The following DIXDC1 variants were observed in gnomAD, a reference collection of about 807,000 sequenced individuals.
DIXDC1 encodes DIX domain containing 1.
In DIXDC1, 64 loss-of-function variants were observed where a neutral mutation model predicts 103.1. The observed-to-expected ratio is 0.62, with a 90% confidence interval of 0.51 to 0.76. The LOEUF is 0.76. Among genes scored for constraint, DIXDC1 ranks in the 30% least tolerant of loss-of-function variants. The pLI is 0.00. For synonymous variants in DIXDC1, 266 were observed against 298.5 expected, an observed-to-expected ratio of 0.89 and a Z score of 1.12; for missense variants, 759 against 834.2, an observed-to-expected ratio of 0.91 and a Z score of 1.11.
In DIXDC1 at chr11:111,989,481, G is replaced by A. The variant is rs370141994; in HGVS notation, c.1113+426G>A. On this transcript the variant is annotated intron_variant, in intron 10 of 19. Coordinates refer to ENST00000440460, the MANE Select transcript of DIXDC1 (RefSeq NM_001037954.4). ...CTACTAAAAATACAAAAAATTAGTC[G>A]GGCGTGGTGGCAGGCACCTGTAATC... 4.5e-4 allele frequency among the ~76,000 whole-genome samples: 68 copies of A among 151,640 alleles called. 1 individual carries two copies. The South Asian group carries it at 0.013, about 29-fold the overall frequency.
chr11:111,962,380 G>A (rs1345826180), intron 1 of DIXDC1, among the ~76,000 whole-genome samples: 2 of 152,108 alleles, frequency 1.3e-5, no homozygotes, highest in African/African-American at 4.8e-5. Flanking sequence ...TACTTGGGAG[G>A]CTGAGACGAG....
intron 1 of DIXDC1, among the ~76,000 whole-genome samples, chr11:111,944,950 G>A (rs868981555): frequency 1.3e-5 from 2 of 152,196 alleles, no homozygotes; most frequent in Non-Finnish European, 2.9e-5. Context: ...TGTTACACAC[G>A]TAGTATGTAC....
At chr11:111,959,243 G>A (rs587673469) in intron 1 of DIXDC1, among the ~76,000 whole-genome samples, 3 of 152,338 alleles carry the variant, frequency 2.0e-5, no homozygotes, top group Admixed American at 2.0e-4. Context: ...GAGAAGAGCT[G>A]CAGAGAGAAG....
intron 1 of DIXDC1, among the ~76,000 whole-genome samples, chr11:111,964,113 G>T (rs1287423841): frequency 6.6e-6 from 1 of 152,200 alleles, no homozygotes; most frequent in South Asian, 2.1e-4. Flanking sequence ...CAATTCGTAT[G>T]AGTATCAGAG....
In DIXDC1 at chr11:111,984,659, A is replaced by G. The variant is rs7948552; in HGVS notation, c.919-573A>G. On this transcript the variant is annotated intron_variant, in intron 7 of 19. Transcript: ENST00000440460. ...GTAAATCTGCCTCCCTATTCCACCT[A>G]CGTATATTCTAATGAAAACCACCTG... 4.8e-3 allele frequency among the ~76,000 whole-genome samples: 733 copies of G among 152,300 alleles called. 3 individuals carry two copies. The highest frequency in any genetic ancestry group is 7.1e-3 in the Non-Finnish European group (480 of 68,032).
intron 17 of DIXDC1, among the ~76,000 whole-genome samples, chr11:112,012,492 G>A (rs927102007): frequency 4.6e-5 from 7 of 152,166 alleles, no homozygotes; most frequent in African/African-American, 1.7e-4. Flanking sequence ...TGCTAGAAAA[G>A]TTAAAGATCT....
intron 5 of DIXDC1, 163 bp downstream of exon 5, chr11:111,975,146 G>T: frequency 7.0e-7 from 1 of 1,428,944 alleles, no homozygotes; most frequent in Non-Finnish European, 9.2e-7. Context: ...GTTTGTGCTA[G>T]TAGGAGGGTA....
chr11:111,931,272 G>A (rs913374946), intron 2 of DIXDC1, among the ~76,000 whole-genome samples: 1 of 152,102 alleles, frequency 6.6e-6, no homozygotes, highest in Non-Finnish European at 1.5e-5. Flanking sequence ...CTGGGAGGTC[G>A]AGGCTGCAGT....
Position 111,937,531 on chromosome 11 carries a change from T to G in DIXDC1, c.32T>G (p.Leu11Arg). The G allele has an allele frequency of 6.3e-7, 1 of 1,596,298 alleles. No individual in the cohort carries two copies. The highest frequency in any genetic ancestry group is 1.7e-5 in the Admixed American group (1 of 57,394). Residue 11 changes from leucine to arginine, a missense_variant, in exon 1 of 20, where the codon CTG becomes CGG. Transcript: ENST00000440460. MLACLTRGNL[L>R]DVLQEGFNEQ... ...GCCTGCCTGACCCGAGGGAACTTAC[T>G]GGACGTCCTGCAGGAGGGCTTCAAT...
At chr11:111,946,648 A>G (rs1966607838) in intron 1 of DIXDC1, 3 of 264,350 alleles carry the variant, frequency 1.1e-5, no homozygotes, top group South Asian at 3.7e-5. Flanking sequence ...GGCATGAGCC[A>G]CTGCACCCAG....
At chr11:111,964,167 G>A (rs1420968310) in intron 1 of DIXDC1, among the ~76,000 whole-genome samples, 5 of 152,214 alleles carry the variant, frequency 3.3e-5, no homozygotes, top group Admixed American at 1.3e-4. Context: ...GAGAAGTGCG[G>A]TGGGTTGCTG....
chr11:112,011,808 G>T (rs113357296), intron 17 of DIXDC1, among the ~76,000 whole-genome samples: 5 of 151,886 alleles, frequency 3.3e-5, no homozygotes, highest in African/African-American at 9.7e-5. Flanking sequence ...TGTCGTGGAG[G>T]GGGGGACGGG....
rs782477849 is a variant in DIXDC1, at chr11:111,968,622, C to T, written c.300C>T (p.His100=). ...QFVASKKIRM[H]QTSAKDIVDG... is the part of the protein sequence containing the mutation. Reference sequence around the variant, plus strand: ...TGGCCTCTAAAAAGATTCGTATGCACCAGACTTCGGCTAAAGGTCAGTGCC... The same window carrying T: ...TGGCCTCTAAAAAGATTCGTATGCATCAGACTTCGGCTAAAGGTCAGTGCC... Residue 100 remains histidine, a synonymous_variant, in exon 3 of 20, where the codon CAC becomes CAT. Transcript: ENST00000440460. The T allele has an allele frequency of 6.2e-7, 1 of 1,609,508 alleles. No homozygotes were observed. The highest frequency in any genetic ancestry group is 1.7e-5 in the Admixed American group (1 of 59,330).
rs185445062 is a variant in DIXDC1, at chr11:111,995,275, T to C, written c.1528-128T>C. The C allele has an allele frequency of 6.4e-4, 886 of 1,377,886 alleles. 1 individual carries two copies. The East Asian group carries it at 9.5e-3, about 15-fold the overall frequency. The allele number at this position is 1,377,886 out of a possible 1,614,324, so 85.4% of individuals were successfully genotyped here. A position where few individuals can be genotyped will look rare whatever the true frequency, so the allele number is the denominator to read the frequency against. ...CTTGCTATCCAAAATTAAGAATTAG[T>C]GGGCAAACCATAGGCCTGCTTCTGT... On this transcript the variant is annotated intron_variant, in intron 15 of 19. Transcript: ENST00000440460.
rs587714573 is a variant in DIXDC1, at chr11:111,987,736, T to G, written c.1062+812T>G. Among the ~76,000 whole-genome samples, 600 of 150,682 alleles carry G rather than the reference T, an allele frequency of 4.0e-3. 2 individuals are homozygous for G. Among genetic ancestry groups the G allele is most frequent in the African/African-American group, 0.014 (558 of 40,974 alleles). On this transcript the variant is annotated intron_variant, in intron 9 of 19. Coordinates refer to ENST00000440460, the MANE Select transcript of DIXDC1 (RefSeq NM_001037954.4). ...GTGCAATGGTGCAGCCTCAGCTCAC[T>G]GCAACCTCTGCCTCCTGGGTTCAAG...
At chr11:111,933,143 T>A (rs587684510), upstream of DIXDC1, among the ~76,000 whole-genome samples, 1 of 152,330 alleles carries the variant, frequency 6.6e-6, no homozygotes, top group Non-Finnish European at 1.5e-5. Flanking sequence ...TTGGTTTTTT[T>A]TTGAGACGGA....
rs59473485 is a variant in DIXDC1 at position 111,950,438 on chromosome 11, A to ATTTTTTTT, written c.60+12906_60+12913dup. 1.3e-4 allele frequency among the ~76,000 whole-genome samples: 2 copies of ATTTTTTTT among 15,164 alleles called. 1 individual carries two copies. The highest frequency in any genetic ancestry group is 2.3e-4 in the Non-Finnish European group (2 of 8,860). 9.9% of individuals were successfully genotyped at this position (15,164 alleles called of 152,430 possible). A position where few individuals can be genotyped will look rare whatever the true frequency, so the allele number is the denominator to read the frequency against. ...TATATATATATATATATATATATAT[A>ATTTTTTTT]TTTTTTTTTTTTTTTTTTTTTTTTT... On this transcript the variant is annotated intron_variant, in intron 1 of 19. Transcript: ENST00000440460.
intron 17 of DIXDC1, among the ~76,000 whole-genome samples, chr11:112,012,185 T>C (rs1170269827): frequency 1.1e-4 from 16 of 152,214 alleles, no homozygotes; most frequent in African/African-American, 3.9e-4. Flanking sequence ...ACCAGGCTTT[T>C]GTAGATATAA....
In DIXDC1 at chr11:111,995,032, A is replaced by G; in HGVS notation, c.1451A>G (p.Asn484Ser). The G allele has an allele frequency of 1.9e-6, 3 of 1,613,734 alleles. No homozygotes were observed. Among genetic ancestry groups the G allele is most frequent in the Middle Eastern group, 1.6e-4 (1 of 6,062 alleles). Reference sequence around the variant, plus strand: ...ATGCTGCTGTAGGCGACCAACTACAACAGTCACAACTCTCAAAGCAATGGT... The same window carrying G: ...ATGCTGCTGTAGGCGACCAACTACAGCAGTCACAACTCTCAAAGCAATGGT... ...KREADEATNY[N>S]SHNSQSNGFL... The change falls in exon 15 of 20, where the codon AAC (asparagine) becomes AGC (serine). Residue 484 changes from asparagine (N) to serine (S), a missense_variant. By Grantham distance (46) the Asn-to-Ser change is conservative. This residue lies in a region of DIXDC1 where 657 missense variants were observed against 727.5 expected (regional missense o/e 0.90). Transcript: ENST00000440460.
Sources: gnomAD v4.1 joint callset for allele counts (sites outside exome capture counted in the v4.1 genomes callset) on GRCh38, gnomAD v4.1.1 for gene constraint, gnomAD v4.1.1 regional missense constraint, MANE v1.5 for transcripts, NCBI Gene and HGNC (gene_info 2026-07-23, HGNC 2026-07-21) for gene names.